The following EBF1 variants were observed in gnomAD, a reference collection of about 807,000 sequenced individuals.
EBF1 encodes transcription factor COE1.
In EBF1, 10 loss-of-function variants were observed where a neutral mutation model predicts 68.4. That is an observed-to-expected ratio of 0.15 (90% CI 0.09 to 0.25). The LOEUF (loss-of-function observed/expected upper bound fraction) is 0.25. Among genes scored for constraint, EBF1 ranks in the 10% least tolerant of loss-of-function variants. EBF1 has a pLI of 1.00. For synonymous variants in EBF1, 298 were observed against 299.8 expected, an observed-to-expected ratio of 0.99 and a Z score of 0.06; for missense variants, 509 against 794.4, an observed-to-expected ratio of 0.64 and a Z score of 4.32.
At chr5:159,065,329 A>G (rs183274259) in intron 6 of EBF1, among the ~76,000 whole-genome samples, 72 of 152,336 alleles carry the variant, frequency 4.7e-4, no homozygotes, top group African/African-American at 1.6e-3. Context: ...ATGCACCAGC[A>G]GAGTCTAAGT....
At chr5:158,807,479 C>T (rs1029989591) in intron 8 of EBF1, among the ~76,000 whole-genome samples, 1 of 152,146 alleles carries the variant, frequency 6.6e-6, no homozygotes, top group African/African-American at 2.4e-5. Context: ...CATATAATCT[C>T]TCTATCTTCA....
At chr5:158,865,153 C>G (rs1795659997) in intron 6 of EBF1, among the ~76,000 whole-genome samples, 1 of 152,128 alleles carries the variant, frequency 6.6e-6, no homozygotes, top group African/African-American at 2.4e-5. Context: ...TTTTAGTTAT[C>G]CACCCCTTCA....
chr5:158,699,240 ACT>A, intron 15 of EBF1, 98 bp from the exon 16 acceptor site: 1 of 1,251,410 alleles, frequency 8.0e-7, no homozygotes, highest in Non-Finnish European at 1.1e-6. Flanking sequence ...CCCACACACA[ACT>A]ATGTTGTTCG....
chr5:158,733,387 C>A (rs138702268), intron 10 of EBF1, among the ~76,000 whole-genome samples: 82 of 152,226 alleles, frequency 5.4e-4, no homozygotes, highest in African/African-American at 1.9e-3. Context: ...ATAATGAATT[C>A]CTATTGTGTC....
chr5:158,897,644 G>A (rs556419894), intron 6 of EBF1, among the ~76,000 whole-genome samples: 26 of 152,166 alleles, frequency 1.7e-4, no homozygotes, highest in Admixed American at 2.6e-4. Context: ...ATGTGACTAA[G>A]AAATGAACTG....
chr5:158,859,174 T>A (rs934977997), intron 6 of EBF1, among the ~76,000 whole-genome samples: 1 of 152,210 alleles, frequency 6.6e-6, no homozygotes, highest in Non-Finnish European at 1.5e-5. Flanking sequence ...TCAAGTGATA[T>A]GCATTTACAT....
chr5:158,906,479 C>T (rs1016908770), intron 6 of EBF1, among the ~76,000 whole-genome samples: 1 of 152,124 alleles, frequency 6.6e-6, no homozygotes, highest in African/African-American at 2.4e-5. Context: ...CTTACCTGAA[C>T]ATGCTCAGTG....
At chr5:158,846,447 A>G (rs2127986403) in intron 6 of EBF1, among the ~76,000 whole-genome samples, 1 of 152,282 alleles carries the variant, frequency 6.6e-6, no homozygotes, top group South Asian at 2.1e-4. Flanking sequence ...GAAAATATTG[A>G]ACCAAAAAGC....
intron 9 of EBF1, among the ~76,000 whole-genome samples, chr5:158,792,719 G>A (rs1357234274): frequency 1.3e-5 from 2 of 152,178 alleles, no homozygotes; most frequent in Non-Finnish European, 2.9e-5. Flanking sequence ...GATGGACAGG[G>A]ATCCAGCTCT....
intron 6 of EBF1, among the ~76,000 whole-genome samples, chr5:158,892,318 A>G (rs552909310): frequency 2.0e-5 from 3 of 152,124 alleles, no homozygotes; most frequent in Admixed American, 2.0e-4. Context: ...GTGAAACTCC[A>G]TCTCTACTAA....
chr5:158,955,237 C>T (rs896654275), intron 6 of EBF1, among the ~76,000 whole-genome samples: 1 of 151,938 alleles, frequency 6.6e-6, no homozygotes, highest in Non-Finnish European at 1.5e-5. Context: ...GCAAGAGAAT[C>T]GCTTGAATCC....
intron 6 of EBF1, among the ~76,000 whole-genome samples, chr5:159,066,197 T>C (rs1561930154): frequency 6.6e-6 from 1 of 152,180 alleles, no homozygotes; most frequent in Non-Finnish European, 1.5e-5. Context: ...AACAATATCT[T>C]ATTAAAGATG....
At chr5:159,075,645 A>G (rs1584445723) in intron 5 of EBF1, among the ~76,000 whole-genome samples, 1 of 151,966 alleles carries the variant, frequency 6.6e-6, no homozygotes, top group South Asian at 2.1e-4. Context: ...TTCTGTCTCC[A>G]CTCTGACCCC....
intron 11 of EBF1, among the ~76,000 whole-genome samples, chr5:158,714,678 CATAAT>C (rs1249366594): frequency 2.0e-5 from 3 of 151,998 alleles, no homozygotes; most frequent in African/African-American, 4.8e-5. Flanking sequence ...ATGGTAGAGA[CATAAT>C]ATAAGAGGGT....
At chr5:158,727,918 G>A (rs1037528464) in intron 11 of EBF1, among the ~76,000 whole-genome samples, 1 of 152,198 alleles carries the variant, frequency 6.6e-6, no homozygotes, top group Non-Finnish European at 1.5e-5. Context: ...TTGACAGAAT[G>A]TGTGGGTGGT....
chr5:158,836,494 G>T (rs1341748994), intron 7 of EBF1, among the ~76,000 whole-genome samples: 1 of 152,094 alleles, frequency 6.6e-6, no homozygotes, highest in Non-Finnish European at 1.5e-5. Context: ...AAATAATACA[G>T]AGAGAGGTAG....
At chr5:158,724,320 G>A (rs576927181) in intron 11 of EBF1, among the ~76,000 whole-genome samples, 17 of 152,248 alleles carry the variant, frequency 1.1e-4, no homozygotes, top group African/African-American at 3.4e-4. Flanking sequence ...GTAAATACAC[G>A]AGAAAGAGAA....
At chr5:158,776,796 G>GT (rs1561895101) in intron 10 of EBF1, among the ~76,000 whole-genome samples, 1 of 152,174 alleles carries the variant, frequency 6.6e-6, no homozygotes, top group African/African-American at 2.4e-5. Flanking sequence ...ATCTCTTAGC[G>GT]TACACATTGG....
chr5:159,066,370 G>C (rs551651255), intron 6 of EBF1, among the ~76,000 whole-genome samples: 3 of 152,206 alleles, frequency 2.0e-5, no homozygotes, highest in East Asian at 1.9e-4. Flanking sequence ...GTAGGGTTTA[G>C]GGCATGTTTG....
Sources: allele counts gnomAD v4.1 joint callset (sites outside exome capture counted in the v4.1 genomes callset), GRCh38; gene constraint gnomAD v4.1.1; transcripts MANE v1.5; gene names NCBI Gene and HGNC (gene_info 2026-07-23, HGNC 2026-07-21).